The following RARB variants were observed in gnomAD, a reference collection of about 807,000 sequenced individuals.
The protein encoded by RARB is retinoic acid receptor beta.
Under a neutral mutation model 51.9 loss-of-function variants are expected in RARB, and 17 were observed. The observed-to-expected ratio is 0.33, with a 90% CI of 0.22 to 0.49. RARB has a LOEUF of 0.49. Ranked by LOEUF, RARB falls within the 20% of genes least tolerant of loss-of-function variation. The probability of loss-of-function intolerance (pLI) is 0.99; values close to 1 mark genes in which losing one functional copy is unlikely to be tolerated. For missense variants in RARB, 369 were observed against 550.8 expected (o/e 0.67, Z 3.30); for synonymous variants, 215 against 195.4 (o/e 1.10, Z -0.84).
chr3:25,050,957 T>C (rs1698320891), intron 2 of RARB, among the ~76,000 whole-genome samples: 1 of 152,190 alleles, frequency 6.6e-6, no homozygotes, highest in African/African-American at 2.4e-5. Flanking sequence ...AAGTCTCCCA[T>C]ATGCTTTCCA....
chr3:25,268,594 T>C (rs1352923077), intron 5 of RARB, among the ~76,000 whole-genome samples: 1 of 152,190 alleles, frequency 6.6e-6, no homozygotes, highest in African/African-American at 2.4e-5. Flanking sequence ...TTTACTCTGT[T>C]CCACTCACTC....
At chr3:25,456,767 AT>A (rs547576582) in intron 1 of RARB, among the ~76,000 whole-genome samples, 2 of 146,412 alleles carry the variant, frequency 1.4e-5, no homozygotes, top group Non-Finnish European at 3.0e-5. Context: ...TCCAAAGATG[AT>A]TTTTTTTGGG....
chr3:25,170,327 CA>C (rs1176389322), intron 4 of RARB, among the ~76,000 whole-genome samples: 8 of 152,086 alleles, frequency 5.3e-5, no homozygotes, highest in African/African-American at 1.9e-4. Flanking sequence ...AGAAATTTGC[CA>C]ACCTCACGTC....
chr3:25,082,285 A>G (rs1699022720), intron 3 of RARB, among the ~76,000 whole-genome samples: 2 of 151,970 alleles, frequency 1.3e-5, no homozygotes. Flanking sequence ...GTTTATGTAT[A>G]CTATTTTGCT....
intron 2 of RARB, among the ~76,000 whole-genome samples, chr3:25,485,855 G>T (rs1342657315): frequency 6.6e-6 from 1 of 152,128 alleles, no homozygotes; most frequent in Non-Finnish European, 1.5e-5. Context: ...GGTGATGATG[G>T]GGCTGTCTAG....
At chr3:25,017,378 T>TAA (rs531591035) in intron 2 of RARB, among the ~76,000 whole-genome samples, 1,593 of 147,512 alleles carry the variant, frequency 0.011, 27 homozygotes, top group African/African-American at 0.038. Context: ...TCATCATGTT[T>TAA]AAAAAAAAAA....
chr3:25,143,841 G>A (rs1700147559), intron 4 of RARB, among the ~76,000 whole-genome samples: 1 of 152,142 alleles, frequency 6.6e-6, no homozygotes, highest in African/African-American at 2.4e-5. Context: ...GCTGTTGAGA[G>A]GATTAAATGA....
intron 2 of RARB, among the ~76,000 whole-genome samples, chr3:24,895,556 G>A (rs956852114): frequency 2.0e-5 from 3 of 150,486 alleles, no homozygotes; most frequent in East Asian, 2.0e-4. Context: ...CAAAATTTAC[G>A]CTTTTTTTTT....
At chr3:25,186,543 G>A (rs1334713176) in intron 5 of RARB, among the ~76,000 whole-genome samples, 1 of 152,076 alleles carries the variant, frequency 6.6e-6, no homozygotes, top group Admixed American at 6.6e-5. Flanking sequence ...ATTTGAATAT[G>A]AGCAGATGTA....
At chr3:24,834,094 C>T (rs1312906075) in intron 1 of RARB, among the ~76,000 whole-genome samples, 1 of 152,200 alleles carries the variant, frequency 6.6e-6, no homozygotes, top group Non-Finnish European at 1.5e-5. Flanking sequence ...AGAGCTTATA[C>T]CTTTCATGGT....
At chr3:25,369,011 T>G (rs1225663276) in intron 5 of RARB, among the ~76,000 whole-genome samples, 5 of 152,214 alleles carry the variant, frequency 3.3e-5, no homozygotes, top group African/African-American at 1.2e-4. Context: ...ATTTTCTGTA[T>G]AGGATATGTG....
chr3:25,226,629 CTCAACTTGTCT>C (rs1480125611), intron 5 of RARB, among the ~76,000 whole-genome samples: 1 of 152,104 alleles, frequency 6.6e-6, no homozygotes, highest in East Asian at 1.9e-4. Context: ...TGATTTTACA[CTCAACTTGTCT>C]TCAAGCAGGT....
At position 24,875,060 on chromosome 3, in the gene RARB, A is replaced by G. The variant is rs1190006314; in HGVS notation, c.-380+16308A>G. Among the ~76,000 whole-genome samples, 5 of 152,218 alleles carry G rather than the reference A, an allele frequency of 3.3e-5. No individual in the cohort carries two copies. In the East Asian group the frequency reaches 9.6e-4, roughly 29 times the overall value. On this transcript the variant is annotated intron_variant, in intron 2 of 11. Transcript: ENST00000383772. ...GGGGGTAAATCTCTTGCAAATTTATATGCTTCTGTTAAACAAGATTTTGGT... is the reference window on the plus strand; with the variant it reads ...GGGGGTAAATCTCTTGCAAATTTATGTGCTTCTGTTAAACAAGATTTTGGT...
intron 1 of RARB, 76 bp from the exon 2 acceptor site, chr3:25,461,117 G>A: frequency 6.8e-7 from 1 of 1,465,264 alleles, no homozygotes. Context: ...AGAAGCATAT[G>A]AATTCACTGT....
intron 5 of RARB, among the ~76,000 whole-genome samples, chr3:25,592,100 C>A (rs1701633027): frequency 6.6e-6 from 1 of 152,136 alleles, no homozygotes; most frequent in Non-Finnish European, 1.5e-5. Flanking sequence ...TTTTAGGAGA[C>A]CTGATGGGAA....
chr3:25,095,768 G>A (rs912828782), intron 3 of RARB, among the ~76,000 whole-genome samples: 3 of 152,116 alleles, frequency 2.0e-5, no homozygotes, highest in African/African-American at 7.2e-5. Context: ...ATGGGCCTCT[G>A]GAGAAGAATG....
chr3:25,386,806 C>A lies in RARB; in HGVS notation c.179-74387C>A, dbSNP rs548067542. Among the ~76,000 whole-genome samples the A allele has an allele frequency of 4.3e-4, 65 of 152,158 alleles. 1 individual carries two copies. The highest frequency in any genetic ancestry group is 1.8e-4 in the Non-Finnish European group (12 of 68,026). ...GAACATGTACCATCTTGGGTGTCACCGCCCTTGGGCTGCCAACTCTTCTTA... is the reference window on the plus strand; with the variant it reads ...GAACATGTACCATCTTGGGTGTCACAGCCCTTGGGCTGCCAACTCTTCTTA... On this transcript the variant is annotated intron_variant, in intron 5 of 11. Coordinates refer to the RARB transcript ENST00000383772.
intron 5 of RARB, among the ~76,000 whole-genome samples, chr3:25,419,897 C>G (rs532186832): frequency 7.9e-5 from 12 of 152,032 alleles, no homozygotes; most frequent in Admixed American, 5.9e-4. Flanking sequence ...GCAACTGTAA[C>G]TTCATCAAGT....
intron 5 of RARB, among the ~76,000 whole-genome samples, chr3:25,413,925 C>T (rs1707633802): frequency 6.6e-6 from 1 of 152,160 alleles, no homozygotes. Flanking sequence ...ATAAACTGCA[C>T]ATTCTTAAAG....
Sources: allele counts gnomAD v4.1 joint callset (sites outside exome capture counted in the v4.1 genomes callset), GRCh38; gene constraint gnomAD v4.1.1; transcripts MANE v1.5; gene names NCBI Gene and HGNC (gene_info 2026-07-23, HGNC 2026-07-21).